Variants in MLLT1 observed in about 807,000 individuals in gnomAD.
MLLT1 encodes the protein protein ENL.
A neutral mutation model predicts 55.1 loss-of-function variants in MLLT1; 11 were observed. That is an observed-to-expected ratio of 0.20 (90% CI 0.13 to 0.33). The LOEUF is 0.33. Ranked by LOEUF, MLLT1 falls within the 10% of genes least tolerant of loss-of-function variation. The pLI is 1.00. For synonymous variants in MLLT1, 323 were observed against 320.1 expected (o/e 1.01, Z -0.10); for missense variants, 536 against 760.6 (o/e 0.70, Z 3.47).
In MLLT1 at chr19:6,211,803, C is replaced by G. The variant is rs891999840; in HGVS notation, c.*1239G>C. On this transcript the variant is annotated 3_prime_UTR_variant, in exon 12 of 12. Transcript: ENST00000252674. This position sits in a 1 kb window ranked among gnomAD's most constrained non-coding sequence, Gnocchi z 4.6. ...GCGTCCTGGCCCTGGAAGAGTGGGC[C>G]GGGAAGGAGGACCGGCTTGGCCCCT... 1.9e-6 allele frequency: 2 copies of G among 1,064,132 alleles called. No homozygotes were observed. Among genetic ancestry groups the G allele is most frequent in the Non-Finnish European group, 2.3e-6 (2 of 878,628 alleles). 65.9% of individuals were successfully genotyped at this position (1,064,132 alleles called of 1,614,324 possible).
At chr19:6,213,269 C>T (rs1568272713) in intron 11 of MLLT1, 68 bp downstream of exon 11, 1 of 1,605,832 alleles carries the variant, frequency 6.2e-7, no homozygotes, top group Non-Finnish European at 8.5e-7. Context: ...GCACCAGGGG[C>T]CCCCGCAGCC....
chr19:6,247,242 C>CA (rs2091177303), intron 3 of MLLT1, among the ~76,000 whole-genome samples: 1 of 152,144 alleles, frequency 6.6e-6, no homozygotes, highest in South Asian at 2.1e-4. Context: ...AACGCAGTGA[C>CA]AACTAAGCAG....
intron 3 of MLLT1, among the ~76,000 whole-genome samples, chr19:6,252,694 A>C (rs1287306538): frequency 6.6e-6 from 1 of 152,258 alleles, no homozygotes; most frequent in Non-Finnish European, 1.5e-5. Context: ...AACTAAACTC[A>C]AAGCTAACAG....
intron 1 of MLLT1, among the ~76,000 whole-genome samples, chr19:6,275,573 G>A (rs892058): frequency 0.27 from 41,768 of 152,120 alleles, 7,161 homozygotes; most frequent in African/African-American, 0.48. Context: ...CCTCTGAAGC[G>A]GAGAGCTGCC....
intron 8 of MLLT1, among the ~76,000 whole-genome samples, chr19:6,214,509 A>G (rs1285284823): frequency 6.6e-6 from 1 of 152,138 alleles, no homozygotes; most frequent in Non-Finnish European, 1.5e-5. Flanking sequence ...CATCAGTCAC[A>G]TCGGCCCCCC....
chr19:6,223,037 G>A (rs921675861), intron 5 of MLLT1, among the ~76,000 whole-genome samples: 3 of 152,144 alleles, frequency 2.0e-5, no homozygotes, highest in African/African-American at 7.2e-5. Context: ...AGCTGGGCCT[G>A]GGCAAGTCAG....
At chr19:6,260,203 G>A (rs1005555053) in intron 3 of MLLT1, among the ~76,000 whole-genome samples, 1 of 152,096 alleles carries the variant, frequency 6.6e-6, no homozygotes, top group Non-Finnish European at 1.5e-5. Flanking sequence ...CCCACACAGG[G>A]GAGGATGCTG....
At chr19:6,234,404 C>A (rs1268278141) in intron 3 of MLLT1, among the ~76,000 whole-genome samples, 1 of 152,220 alleles carries the variant, frequency 6.6e-6, no homozygotes, top group Non-Finnish European at 1.5e-5. Flanking sequence ...CGCAAAGGCA[C>A]TTCTGGGCAC....
intron 3 of MLLT1, among the ~76,000 whole-genome samples, chr19:6,247,587 A>G (rs2091180520): frequency 6.6e-6 from 1 of 152,204 alleles, no homozygotes; most frequent in South Asian, 2.1e-4. Context: ...GAAAAATTCC[A>G]GTTAATAAAT....
intron 2 of MLLT1, among the ~76,000 whole-genome samples, chr19:6,269,533 G>A (rs899523807): frequency 2.0e-5 from 3 of 152,226 alleles, no homozygotes; most frequent in African/African-American, 7.2e-5. Flanking sequence ...GGAATCGCAG[G>A]TGGGCATCCC....
chr19:6,248,963 C>G (rs2091192292), intron 3 of MLLT1, among the ~76,000 whole-genome samples: 1 of 152,130 alleles, frequency 6.6e-6, no homozygotes, highest in African/African-American at 2.4e-5. Flanking sequence ...CAGTCAGGAA[C>G]CATACTCGGT....
At chr19:6,257,627 C>A (rs1458657895) in intron 3 of MLLT1, among the ~76,000 whole-genome samples, 4 of 152,078 alleles carry the variant, frequency 2.6e-5, no homozygotes, top group African/African-American at 9.7e-5. Flanking sequence ...ATGGCGCAAC[C>A]CCATCAGTAC....
At position 6,212,821 on chromosome 19, in the gene MLLT1, G is replaced by C. The variant is rs1337159972; in HGVS notation, c.*221C>G. The C allele has an allele frequency of 1.1e-6, 1 of 891,378 alleles. No individual in the cohort carries two copies. The allele number at this position is 891,378 out of a possible 1,614,324, so 55.2% of individuals were successfully genotyped here. On this transcript the variant is annotated 3_prime_UTR_variant, in exon 12 of 12. Coordinates refer to ENST00000252674, the MANE Select transcript of MLLT1 (RefSeq NM_005934.4). ...TGAGGGGAGCCCAGAGAGCCCGGGG[G>C]GCGGCTCCCGTGTGGCCCAGCCCGG...
At chr19:6,217,886 C>A in intron 7 of MLLT1, 68 bp downstream of exon 7, 1 of 1,530,714 alleles carries the variant, frequency 6.5e-7, no homozygotes, top group Non-Finnish European at 8.8e-7. Flanking sequence ...CTGAGGAATG[C>A]CCATGTGGCC....
In MLLT1 at chr19:6,226,961, C is replaced by T. The variant is rs776169734; in HGVS notation, c.546+16G>A. The T allele has an allele frequency of 6.3e-7, 1 of 1,582,866 alleles. No individual in the cohort carries two copies. The highest frequency in any genetic ancestry group is 2.4e-5 in the East Asian group (1 of 42,036). On this transcript the variant is annotated intron_variant, in intron 5 of 11. Coordinates refer to ENST00000252674, the MANE Select transcript of MLLT1 (RefSeq NM_005934.4). This position sits in a 1 kb window ranked among gnomAD's most constrained non-coding sequence, Gnocchi z 6.3. The stretch of plus-strand genomic sequence containing the variant: ...CCCCGGCGCTCCCACGCGACTGGGC[C>T]TTCCGCCTCACTAACCTTGGAGCCG...
rs780857233 is a variant in MLLT1, at chr19:6,273,551, C to T, written c.13-2792G>A. 5.3e-5 allele frequency among the ~76,000 whole-genome samples: 8 copies of T among 152,190 alleles called. No individual in the cohort carries two copies. The highest frequency in any genetic ancestry group is 7.3e-5 in the Non-Finnish European group (5 of 68,030). On this transcript the variant is annotated intron_variant, in intron 1 of 11. Transcript: ENST00000252674. This position sits in a 1 kb window ranked among gnomAD's most constrained non-coding sequence, Gnocchi z 4.3. ...GCACGAGTGTCTGCCTGAACACCAC[C>T]GCATTCCAACAAACCCAAAACAACA...
rs575258714 is a variant in MLLT1 at position 6,217,269 on chromosome 19, C to A, written c.1198+685G>T. On this transcript the variant is annotated intron_variant, in intron 7 of 11. Coordinates refer to ENST00000252674, the MANE Select transcript of MLLT1 (RefSeq NM_005934.4). ...CCGCACACTCCTCTCCCCCAGCCCC[C>A]CTGCAAAGGATTCCAGGCCAAGGGG... 7.2e-5 allele frequency among the ~76,000 whole-genome samples: 11 copies of A among 152,318 alleles called. 1 individual carries two copies. Among genetic ancestry groups the A allele is most frequent in the African/African-American group, 2.2e-4 (9 of 41,560 alleles).
chr19:6,229,612 G>A lies in MLLT1; in HGVS notation c.420+958C>T, dbSNP rs1039536245. 2.3e-4 allele frequency among the ~76,000 whole-genome samples: 35 copies of A among 151,118 alleles called. No individual in the cohort carries two copies. The highest frequency in any genetic ancestry group is 1.1e-3 in the Admixed American group (17 of 15,186). ...ACCACACACTTCCCGCAAGTGACAC[G>A]ACACACACGCCATGCACACACCATA... On this transcript the variant is annotated intron_variant, in intron 4 of 11. Coordinates refer to ENST00000252674, the MANE Select transcript of MLLT1 (RefSeq NM_005934.4). This position sits in a 1 kb window ranked among gnomAD's most constrained non-coding sequence, Gnocchi z 5.2.
At chr19:6,260,297 A>G (rs914231261) in intron 3 of MLLT1, among the ~76,000 whole-genome samples, 1 of 152,166 alleles carries the variant, frequency 6.6e-6, no homozygotes, top group African/African-American at 2.4e-5. Flanking sequence ...GAGCTTCAGG[A>G]AGTCAGGACA....
Sources: allele counts gnomAD v4.1 joint callset (sites outside exome capture counted in the v4.1 genomes callset), GRCh38; gene constraint gnomAD v4.1.1; non-coding constraint Gnocchi (gnomAD v3.1); transcripts MANE v1.5; gene names NCBI Gene and HGNC (gene_info 2026-07-23, HGNC 2026-07-21).